GPATCH1: variants seen among roughly 807,000 people sequenced by gnomAD.
GPATCH1 encodes the protein G patch domain-containing protein 1.
GPATCH1 carries 73 observed loss-of-function variants against 114.9 expected under a neutral mutation model. The ratio of observed to expected loss-of-function variants is 0.64; its 90% CI spans 0.53 to 0.77. GPATCH1 has a LOEUF of 0.77. GPATCH1 is among the 30% of genes least tolerant of loss of function. The pLI, the probability that GPATCH1 is intolerant of heterozygous loss-of-function variation, is 0.00. For missense variants in GPATCH1, 1,058 were observed against 1,144.3 expected (o/e 0.92, Z 1.09); for synonymous variants, 391 against 428.4 (o/e 0.91, Z 1.08).
chr19:33,096,907 G>A (rs1003169290), intron 7 of GPATCH1, among the ~76,000 whole-genome samples: 3 of 150,950 alleles, frequency 2.0e-5, no homozygotes, highest in African/African-American at 7.3e-5. Flanking sequence ...AGGATTACAG[G>A]CATGAGCCAC....
At chr19:33,086,291 G>A (rs1239105343) in intron 1 of GPATCH1, among the ~76,000 whole-genome samples, 1 of 152,128 alleles carries the variant, frequency 6.6e-6, no homozygotes, top group Non-Finnish European at 1.5e-5. Flanking sequence ...AGAGGGAAAA[G>A]ACATTGTAGC....
At chr19:33,113,724 T>C (rs1235231694) in intron 13 of GPATCH1, 43 bp from the exon 14 acceptor site, 1 of 1,588,996 alleles carries the variant, frequency 6.3e-7, no homozygotes, top group African/African-American at 1.3e-5. Flanking sequence ...GTGGATTTTG[T>C]CCTACTGGTT....
In GPATCH1 at chr19:33,123,016, G is replaced by T. The variant is rs185307028; in HGVS notation, c.2522-2089G>T. Among the ~76,000 whole-genome samples the T allele has an allele frequency of 2.0e-3, 306 of 151,934 alleles. 1 individual carries two copies. Among genetic ancestry groups the T allele is most frequent in the African/African-American group, 6.9e-3 (286 of 41,444 alleles). On this transcript the variant is annotated intron_variant, in intron 17 of 19. Coordinates refer to ENST00000170564, the MANE Select transcript of GPATCH1 (RefSeq NM_018025.3). ...GAGCTCAGGAGGTGGAGGCTACAGT[G>T]AGCTATGATCCCACTGCTGCACTCC...
chr19:33,120,548 CA>C (rs58579147), intron 17 of GPATCH1, among the ~76,000 whole-genome samples: 15,867 of 73,052 alleles, frequency 0.22, 821 homozygotes, highest in East Asian at 0.39. Flanking sequence ...GACTCTGTCT[CA>C]AAAAAAAAAA....
chr19:33,107,494 G>A (rs986915242), intron 10 of GPATCH1, among the ~76,000 whole-genome samples: 9 of 152,302 alleles, frequency 5.9e-5, no homozygotes, highest in Non-Finnish European at 7.4e-5. Flanking sequence ...CACAGCCTGG[G>A]AGAGTATGTT....
chr19:33,105,266 T>C (rs904232090), intron 9 of GPATCH1, among the ~76,000 whole-genome samples: 20 of 151,644 alleles, frequency 1.3e-4, no homozygotes, highest in Non-Finnish European at 2.8e-4. Context: ...ACCCCGTCTC[T>C]ACTAAAAATA....
In GPATCH1 at chr19:33,114,371, C is replaced by G. The variant is rs1195760708; in HGVS notation, c.2148C>G (p.Pro716=). The G allele has an allele frequency of 3.7e-6, 6 of 1,608,822 alleles. No homozygotes were observed. Among genetic ancestry groups the G allele is most frequent in the East Asian group, 2.2e-5 (1 of 44,876 alleles). The change falls in exon 15 of 20, where the codon CCC becomes CCG. Residue 716 remains proline, a synonymous_variant. Coordinates refer to ENST00000170564, the MANE Select transcript of GPATCH1 (RefSeq NM_018025.3). ...KAEPPKQQSS[P]LVNKEEEHAP... ...AGCCACCTAAACAACAGTCCAGCCCCTTAGTAAACAAAGAGGAAGAGCATG... is the reference window on the plus strand; with the variant it reads ...AGCCACCTAAACAACAGTCCAGCCCGTTAGTAAACAAAGAGGAAGAGCATG...
chr19:33,108,012 G>GC (rs1972806296), intron 10 of GPATCH1, among the ~76,000 whole-genome samples: 1 of 151,922 alleles, frequency 6.6e-6, no homozygotes, highest in Non-Finnish European at 1.5e-5. Context: ...TCCCCGGGAG[G>GC]CCTAATTCTT....
At chr19:33,120,245 A>G (rs1268569758) in intron 17 of GPATCH1, among the ~76,000 whole-genome samples, 3 of 93,322 alleles carry the variant, frequency 3.2e-5, no homozygotes, top group African/African-American at 1.8e-4. Context: ...AAATTTTAAT[A>G]TATTTTTATA....
chr19:33,083,018 C>T (rs62125278), intron 1 of GPATCH1, among the ~76,000 whole-genome samples: 32,717 of 151,436 alleles, frequency 0.22, 4,180 homozygotes, highest in East Asian at 0.35. Flanking sequence ...GCGGGCAGAT[C>T]GCGAATTCAG....
chr19:33,102,948 G>A (rs1774180294), intron 9 of GPATCH1, among the ~76,000 whole-genome samples: 1 of 152,190 alleles, frequency 6.6e-6, no homozygotes, highest in Admixed American at 6.5e-5. Context: ...GGGTGAAGTT[G>A]GAGGAGAGCT....
rs748163599 is a variant in GPATCH1 at position 33,109,706 on chromosome 19, T to TC, written c.1286-11_1286-10insC. Reference sequence around the variant, plus strand: ...CTCTTTTCATCTCTTCTAATTACTGTTTTTATTTAGGTTCAGCTACTTCAG... The same window carrying TC: ...CTCTTTTCATCTCTTCTAATTACTGTCTTTTATTTAGGTTCAGCTACTTCAG... On this transcript the variant is annotated splice_polypyrimidine_tract_variant and intron_variant, in intron 10 of 19. Coordinates refer to ENST00000170564, the MANE Select transcript of GPATCH1 (RefSeq NM_018025.3). 6.5e-7 allele frequency: 1 copy of TC among 1,527,058 alleles called. No individual in the cohort carries two copies. The highest frequency in any genetic ancestry group is 2.1e-5 in the Admixed American group (1 of 47,444). The allele number at this position is 1,527,058 out of a possible 1,614,324, so 94.6% of individuals were successfully genotyped here. A position where few individuals can be genotyped will look rare whatever the true frequency, so the allele number is the denominator to read the frequency against.
intron 17 of GPATCH1, 148 bp from the exon 18 acceptor site, chr19:33,124,957 A>T: frequency 4.0e-6 from 3 of 755,866 alleles, no homozygotes; most frequent in Non-Finnish European, 6.4e-6. Context: ...TCAGTGAGGC[A>T]GAAGCTAATC....
intron 15 of GPATCH1, among the ~76,000 whole-genome samples, chr19:33,115,521 T>G (rs1972907998): frequency 6.7e-6 from 1 of 150,238 alleles, no homozygotes; most frequent in African/African-American, 2.4e-5. Flanking sequence ...TGAGATGAAG[T>G]TTTACTCTTC....
At position 33,111,742 on chromosome 19, in the gene GPATCH1, T is replaced by C. The variant is rs746567992; in HGVS notation, c.1604T>C (p.Leu535Pro). The change falls in exon 12 of 20, where the codon CTG (leucine) becomes CCG (proline). Residue 535 changes from leucine to proline, a missense_variant. Physicochemically the swap from Leu to Pro is moderately conservative, Grantham distance 98 (BLOSUM62 -3). This residue lies in a region of GPATCH1 where 893 missense variants were observed against 977.4 expected (regional missense o/e 0.91). Coordinates refer to ENST00000170564, the MANE Select transcript of GPATCH1 (RefSeq NM_018025.3). The part of the protein sequence containing the change: ...QGQKDALERC[L>P]DPSMTEWERG... ...CCCGCAGATGCTCTGGAACGCTGTCTGGACCCCAGCATGACAGAGTGGGAG... is the reference window on the plus strand; with the variant it reads ...CCCGCAGATGCTCTGGAACGCTGTCCGGACCCCAGCATGACAGAGTGGGAG... 6 of 1,614,114 alleles carry C rather than the reference T, an allele frequency of 3.7e-6. No individual in the cohort carries two copies. The South Asian group carries it at 6.6e-5, about 18-fold the overall frequency.
chr19:33,124,067 T>C (rs1204584349), intron 17 of GPATCH1, among the ~76,000 whole-genome samples: 1 of 152,074 alleles, frequency 6.6e-6, no homozygotes, highest in African/African-American at 2.4e-5. Flanking sequence ...TTGGCCAAGC[T>C]GATTTTGAAC....
At position 33,130,115 on chromosome 19, in the gene GPATCH1, T is replaced by C. The variant is rs1215408702; in HGVS notation, c.2766-15T>C. ...GCTAACTTTCCATTTCTCTCTTTTCTGTTTTCTTTTCCAGGCTGAAAAGTC... is the reference window on the plus strand; with the variant it reads ...GCTAACTTTCCATTTCTCTCTTTTCCGTTTTCTTTTCCAGGCTGAAAAGTC... On this transcript the variant is annotated splice_polypyrimidine_tract_variant and intron_variant, in intron 19 of 19. Transcript: ENST00000170564. The C allele has an allele frequency of 6.2e-7, 1 of 1,608,214 alleles. No homozygotes were observed. Among genetic ancestry groups the C allele is most frequent in the Admixed American group, 1.7e-5 (1 of 59,968 alleles).
rs1251481831 is a variant in GPATCH1 at position 33,093,437 on chromosome 19, C to T, written c.373C>T (p.Arg125Ter). The T allele has an allele frequency of 3.1e-6, 5 of 1,613,638 alleles. No individual in the cohort carries two copies. The highest frequency in any genetic ancestry group is 2.2e-5 in the East Asian group (1 of 44,872). The change falls in exon 4 of 20, where the codon CGA becomes TGA. Residue 125 changes from arginine to a stop codon, truncating the protein, a stop_gained. Transcript: ENST00000170564. LOFTEE classifies it high-confidence loss of function. Reference protein sequence around the residue: ...DFASKTKDRIREKARQLAAAT... With the variant: ...DFASKTKDRI ...TGCCTCCAAAACCAAAGACAGAATA[C>T]GAGAAAAGGCTAGGCAGTTGGCCGC...
At chr19:33,086,733 G>A (rs2145300042) in intron 1 of GPATCH1, among the ~76,000 whole-genome samples, 1 of 152,242 alleles carries the variant, frequency 6.6e-6, no homozygotes, top group East Asian at 1.9e-4. Flanking sequence ...TGGGATTACA[G>A]GCATGAGTCA....
Sources: allele counts gnomAD v4.1 joint callset (sites outside exome capture counted in the v4.1 genomes callset), GRCh38; gene constraint gnomAD v4.1.1; regional missense constraint gnomAD v4.1.1; transcripts MANE v1.5; gene names NCBI Gene and HGNC (gene_info 2026-07-23, HGNC 2026-07-21).